The following SKIC3 variants were observed in gnomAD, a reference collection of about 807,000 sequenced individuals.
SKIC3 encodes the protein SKI3 subunit of superkiller complex.
the SKIC3 span, among the ~76,000 whole-genome samples, chr5:95,471,957 A>G: frequency 3.9e-5 from 6 of 152,318 alleles, no homozygotes; most frequent in East Asian, 5.8e-4. Context: ...ACTACAGAAC[A>G]TTAAATCAAG....
chr5:95,478,253 T>A, the SKIC3 span: 5 of 1,611,032 alleles, frequency 3.1e-6, no homozygotes, highest in African/African-American at 6.7e-5. Context: ...GATAAAAAAA[T>A]CAATTTTTCA....
chr5:95,468,580 C>A, the SKIC3 span, among the ~76,000 whole-genome samples: 1 of 152,080 alleles, frequency 6.6e-6, no homozygotes, highest in African/African-American at 2.4e-5. Flanking sequence ...TCTATGACTC[C>A]AAAACTTCTG....
At chr5:95,482,225 C>T in the SKIC3 span, among the ~76,000 whole-genome samples, 2 of 152,276 alleles carry the variant, frequency 1.3e-5, no homozygotes, top group South Asian at 2.1e-4. Context: ...GTATTTTCAT[C>T]ACCGTTTTAA....
chr5:95,553,389 C>G, the SKIC3 span, among the ~76,000 whole-genome samples: 1 of 152,184 alleles, frequency 6.6e-6, no homozygotes, highest in Non-Finnish European at 1.5e-5. Flanking sequence ...AATATTGTCA[C>G]TATGGTAGAA....
At chr5:95,485,389 T>C in the SKIC3 span, among the ~76,000 whole-genome samples, 3 of 152,240 alleles carry the variant, frequency 2.0e-5, no homozygotes, top group Non-Finnish European at 4.4e-5. Flanking sequence ...TGGAATCATA[T>C]AGTATAAACT....
At chr5:95,499,234 T>C in the SKIC3 span, among the ~76,000 whole-genome samples, 2 of 152,126 alleles carry the variant, frequency 1.3e-5, no homozygotes, top group Non-Finnish European at 2.9e-5. Flanking sequence ...TGGGAGGTGA[T>C]TGGATCATGA....
chr5:95,533,742 C>G, the SKIC3 span, among the ~76,000 whole-genome samples: 1 of 152,154 alleles, frequency 6.6e-6, no homozygotes, highest in Non-Finnish European at 1.5e-5. Flanking sequence ...ACTTTCTAAT[C>G]AATCAGTATA....
At chr5:95,498,451 C>G in the SKIC3 span, 1 of 1,614,116 alleles carries the variant, frequency 6.2e-7, no homozygotes, top group Non-Finnish European at 8.5e-7. Context: ...AAGAAGGCAC[C>G]TCTGATAATT....
chr5:95,534,200 A>C, the SKIC3 span, among the ~76,000 whole-genome samples: 2 of 151,670 alleles, frequency 1.3e-5, no homozygotes, highest in African/African-American at 4.9e-5. Context: ...TTTAGAACTC[A>C]GCTTCCTATC....
chr5:95,513,030 T>C, the SKIC3 span: 4 of 216,948 alleles, frequency 1.8e-5, no homozygotes, highest in African/African-American at 9.4e-5. Context: ...ATTCTATTAA[T>C]ATATGACTGC....
At chr5:95,516,405 G>A in the SKIC3 span, 1 of 1,613,118 alleles carries the variant, frequency 6.2e-7, no homozygotes, top group East Asian at 2.2e-5. Context: ...CCATGCAACA[G>A]CATTCTAAAA....
the SKIC3 span, among the ~76,000 whole-genome samples, chr5:95,496,949 T>C: frequency 1.3e-5 from 2 of 152,234 alleles, no homozygotes; most frequent in Non-Finnish European, 2.9e-5. Context: ...AAATATAGTA[T>C]ATAATCCTTC....
the SKIC3 span, among the ~76,000 whole-genome samples, chr5:95,553,473 T>G: frequency 1.3e-5 from 2 of 152,218 alleles, no homozygotes; most frequent in African/African-American, 4.8e-5. Context: ...TTACCTTCCG[T>G]GCTGTATTAT....
the SKIC3 span, among the ~76,000 whole-genome samples, chr5:95,539,394 T>C: frequency 3.3e-5 from 5 of 151,852 alleles, no homozygotes; most frequent in East Asian, 9.6e-4. Context: ...AAAACCACAA[T>C]GCAATACCAC....
chr5:95,528,277 G>C, the SKIC3 span: 1 of 1,126,854 alleles, frequency 8.9e-7, no homozygotes, highest in East Asian at 2.5e-5. Context: ...CAATATACAT[G>C]AAGAATAACT....
At chr5:95,471,905 AG>A in the SKIC3 span, among the ~76,000 whole-genome samples, 1 of 152,094 alleles carries the variant, frequency 6.6e-6, no homozygotes, top group Non-Finnish European at 1.5e-5. Flanking sequence ...AATAAAGTGT[AG>A]GGCCCTTTGT....
At chr5:95,498,079 C>T in the SKIC3 span, among the ~76,000 whole-genome samples, 1 of 152,076 alleles carries the variant, frequency 6.6e-6, no homozygotes, top group Non-Finnish European at 1.5e-5. Flanking sequence ...TACCAGACAA[C>T]AGACTAAGAA....
the SKIC3 span, among the ~76,000 whole-genome samples, chr5:95,533,914 G>A: frequency 2.0e-5 from 3 of 152,086 alleles, no homozygotes; most frequent in Non-Finnish European, 4.4e-5. Flanking sequence ...TATTGAGAAA[G>A]CATTCTGTCA....
chr5:95,535,392 C>G, the SKIC3 span, among the ~76,000 whole-genome samples: 5 of 146,674 alleles, frequency 3.4e-5, no homozygotes, highest in Admixed American at 6.9e-5. Flanking sequence ...CTCACTGCAA[C>G]CTCCGCCTCC....
Sources: gnomAD v4.1 joint callset for allele counts (sites outside exome capture counted in the v4.1 genomes callset) on GRCh38, gnomAD v4.1.1 for gene constraint, MANE v1.5 for transcripts, NCBI Gene and HGNC (gene_info 2026-07-23, HGNC 2026-07-21) for gene names.